OTUD7A: variants seen among roughly 807,000 people sequenced by gnomAD.
OTUD7A encodes the protein OTU domain-containing protein 7A.
OTUD7A carries 12 observed loss-of-function variants against 65.7 expected under a neutral mutation model. The observed-to-expected ratio is 0.18, with a 90% CI of 0.12 to 0.30. The LOEUF is 0.30. OTUD7A is among the 10% of genes least tolerant of loss of function. The pLI is 1.00. For synonymous variants in OTUD7A, 641 were observed against 586.3 expected, an observed-to-expected ratio of 1.09 and a Z score of -1.35; for missense variants, 1,148 against 1,304.8, an observed-to-expected ratio of 0.88 and a Z score of 1.85.
intron 1 of OTUD7A, among the ~76,000 whole-genome samples, chr15:31,739,422 C>T (rs1452850052): frequency 6.6e-6 from 1 of 152,144 alleles, no homozygotes; most frequent in Non-Finnish European, 1.5e-5. Context: ...AAAGTAGTCA[C>T]AAGTCATTGC....
At chr15:31,515,603 C>T (rs1016419103) in intron 8 of OTUD7A, among the ~76,000 whole-genome samples, 1 of 149,330 alleles carries the variant, frequency 6.7e-6, no homozygotes, top group Non-Finnish European at 1.5e-5. Flanking sequence ...TCCATCTATC[C>T]ATCTACCCAC....
chr15:31,648,221 T>C (rs1353400408), intron 3 of OTUD7A, among the ~76,000 whole-genome samples: 2 of 152,098 alleles, frequency 1.3e-5, no homozygotes, highest in African/African-American at 2.4e-5. Context: ...AAAGGAAATC[T>C]TGAGTTCCTT....
chr15:31,616,517 G>A (rs1475981775), intron 3 of OTUD7A, among the ~76,000 whole-genome samples: 1 of 152,120 alleles, frequency 6.6e-6, no homozygotes, highest in Non-Finnish European at 1.5e-5. Context: ...TTTGTACAAT[G>A]CATAAACTAA....
At chr15:31,618,632 T>C (rs1207847483) in intron 3 of OTUD7A, among the ~76,000 whole-genome samples, 3 of 152,234 alleles carry the variant, frequency 2.0e-5, no homozygotes, top group African/African-American at 7.2e-5. Flanking sequence ...GGTTGTTTTT[T>C]TCTTTTAAAT....
At chr15:31,490,733 C>T (rs1162425456) in intron 10 of OTUD7A, among the ~76,000 whole-genome samples, 2 of 152,216 alleles carry the variant, frequency 1.3e-5, no homozygotes, top group Admixed American at 6.5e-5. Context: ...CCTGCAGGCT[C>T]CTCTCCACAG....
At chr15:31,843,508 T>C (rs138072731) in intron 1 of OTUD7A, among the ~76,000 whole-genome samples, 124 of 152,274 alleles carry the variant, frequency 8.1e-4, no homozygotes, top group African/African-American at 2.7e-3. Context: ...ACAATTTCCA[T>C]TTAACACAAT....
At chr15:31,525,376 C>T (rs2041996754) in intron 8 of OTUD7A, among the ~76,000 whole-genome samples, 1 of 152,196 alleles carries the variant, frequency 6.6e-6, no homozygotes, top group African/African-American at 2.4e-5. Flanking sequence ...GGTGTGCCAG[C>T]GTATGTGGGT....
chr15:31,857,513 G>C (rs999804796), intron 1 of OTUD7A, among the ~76,000 whole-genome samples: 2 of 152,152 alleles, frequency 1.3e-5, no homozygotes, highest in African/African-American at 4.8e-5. Context: ...AAATCACATA[G>C]GGATGGCAAG....
chr15:31,766,964 T>C, intron 1 of OTUD7A: 2 of 1,611,882 alleles, frequency 1.2e-6, no homozygotes. Context: ...CGCATACTAC[T>C]TAACCCTATT....
rs112393412 is a variant in OTUD7A, at chr15:31,489,481, C to T, written c.1172-1915G>A. On this transcript the variant is annotated intron_variant, in intron 10 of 12. Transcript: ENST00000307050. ...GAGAACATCAGCCCAGCCACCACTC[C>T]ATGTCTTAGCCACCCCGGCCCCAGG... 6.4e-3 allele frequency among the ~76,000 whole-genome samples: 975 copies of T among 152,252 alleles called. 4 individuals are homozygous for T. Among genetic ancestry groups the T allele is most frequent in the South Asian group, 0.013 (65 of 4,818 alleles).
At chr15:31,756,687 G>A (rs1311415339) in intron 1 of OTUD7A, among the ~76,000 whole-genome samples, 2 of 143,352 alleles carry the variant, frequency 1.4e-5, no homozygotes, top group African/African-American at 2.6e-5. Flanking sequence ...CACACACACT[G>A]CTTTTAGTAA....
intron 3 of OTUD7A, among the ~76,000 whole-genome samples, chr15:31,588,018 TTGGTATAATCCCTACAGAAA>T (rs1297647881): frequency 1.3e-5 from 2 of 152,086 alleles, no homozygotes; most frequent in African/African-American, 4.8e-5. Flanking sequence ...ATCCCACTTG[TTGGTATAATCCCTACAGAAA>T]TGCCCGTACA....
intron 3 of OTUD7A, among the ~76,000 whole-genome samples, chr15:31,636,418 T>C (rs71474672): frequency 0.052 from 7,844 of 152,272 alleles, 403 homozygotes; most frequent in African/African-American, 0.14. Flanking sequence ...TAATAAACGT[T>C]GTGTGTGTTC....
Position 31,661,829 on chromosome 15 carries a change from T to A in OTUD7A, c.-99-4752A>T, listed in dbSNP as rs1892173074. ...CAGTTTGTTTGAATCAGAATTCAAGTAAGATCTCTTATTGTAATTGGTTGA... is the reference window on the plus strand; with the variant it reads ...CAGTTTGTTTGAATCAGAATTCAAGAAAGATCTCTTATTGTAATTGGTTGA... On this transcript the variant is annotated intron_variant, in intron 1 of 12. Transcript: ENST00000307050. 2.0e-5 allele frequency among the ~76,000 whole-genome samples: 3 copies of A among 152,252 alleles called. No homozygotes were observed. In the South Asian group the frequency reaches 6.2e-4, roughly 31 times the overall value.
At chr15:31,767,221 G>C in intron 1 of OTUD7A, 1 of 971,862 alleles carries the variant, frequency 1.0e-6, no homozygotes. Context: ...GGATCATCTT[G>C]GATTTTATGT....
chr15:31,584,961 T>C (rs557868200), intron 3 of OTUD7A, among the ~76,000 whole-genome samples: 2 of 152,286 alleles, frequency 1.3e-5, no homozygotes, highest in South Asian at 4.1e-4. Context: ...GTCTTTAAGG[T>C]ATAGTTTATC....
intron 1 of OTUD7A, among the ~76,000 whole-genome samples, chr15:31,806,296 T>C (rs995052553): frequency 6.6e-6 from 1 of 152,168 alleles, no homozygotes; most frequent in African/African-American, 2.4e-5. Context: ...TTCCCTGGAG[T>C]GTCATTTATG....
intron 3 of OTUD7A, among the ~76,000 whole-genome samples, chr15:31,624,147 C>T (rs1192363578): frequency 6.6e-6 from 1 of 152,210 alleles, no homozygotes; most frequent in Non-Finnish European, 1.5e-5. Flanking sequence ...AAAACATCAA[C>T]AAGCAGGAAC....
At chr15:31,534,407 T>C (rs1887728782) in intron 5 of OTUD7A, among the ~76,000 whole-genome samples, 1 of 151,526 alleles carries the variant, frequency 6.6e-6, no homozygotes, top group East Asian at 1.9e-4. Context: ...TCTCCATAAC[T>C]TGATTTAAAA....
Sources: allele counts gnomAD v4.1 joint callset (sites outside exome capture counted in the v4.1 genomes callset), GRCh38; gene constraint gnomAD v4.1.1; transcripts MANE v1.5; gene names NCBI Gene and HGNC (gene_info 2026-07-23, HGNC 2026-07-21).